Variants in B4GALT5 observed in about 807,000 individuals in gnomAD.
The protein encoded by B4GALT5 is UDP-Gal:beta-GlcNAc beta-1,4-galactosyltransferase 5.
B4GALT5 carries 11 observed loss-of-function variants against 45.0 expected under a neutral mutation model. That is an observed-to-expected ratio of 0.24 (90% confidence interval 0.15 to 0.40). B4GALT5 has a LOEUF of 0.40. B4GALT5 is among the 10% of genes least tolerant of loss of function. The pLI, the probability that B4GALT5 is intolerant of heterozygous loss-of-function variation, is 1.00. For missense variants in B4GALT5, 337 were observed against 500.2 expected, an observed-to-expected ratio of 0.67 and a Z score of 3.11; for synonymous variants, 185 against 182.9, an observed-to-expected ratio of 1.01 and a Z score of -0.09.
rs71186472 is a variant in B4GALT5 at position 49,708,931 on chromosome 20, CAA to C, written c.115+4643_115+4644del. 5.2e-3 allele frequency among the ~76,000 whole-genome samples: 701 copies of C among 135,924 alleles called. 7 individuals are homozygous for C. The highest frequency in any genetic ancestry group is 0.018 in the East Asian group (84 of 4,610). The allele number at this position is 135,924 out of a possible 152,430, so 89.2% of individuals were successfully genotyped here. The stretch of plus-strand genomic sequence containing the variant: ...TGGGCAACAGAGCGAGACTCCATCT[CAA>C]AAAAAAAAAAAAAAAGTCATCAATG... On this transcript the variant is annotated intron_variant, in intron 1 of 8. Transcript: ENST00000371711.
intron 2 of B4GALT5, among the ~76,000 whole-genome samples, chr20:49,650,675 A>G (rs2085618642): frequency 6.6e-6 from 1 of 152,088 alleles, no homozygotes; most frequent in Non-Finnish European, 1.5e-5. Flanking sequence ...TTCAGTAGCA[A>G]TAGAGGCCTT....
At chr20:49,653,110 G>T (rs1006031380) in intron 2 of B4GALT5, among the ~76,000 whole-genome samples, 5 of 152,224 alleles carry the variant, frequency 3.3e-5, no homozygotes. Context: ...CTTAGGACCA[G>T]AAGTGTTTCA....
In B4GALT5 at chr20:49,684,268, T is replaced by A. The variant is rs116639881; in HGVS notation, c.116-27566A>T. 8.9e-3 allele frequency among the ~76,000 whole-genome samples: 1,333 copies of A among 149,768 alleles called. 12 individuals are homozygous for A. The highest frequency in any genetic ancestry group is 0.031 in the African/African-American group (1,265 of 40,838). On this transcript the variant is annotated intron_variant, in intron 1 of 8. Coordinates refer to ENST00000371711, the MANE Select transcript of B4GALT5 (RefSeq NM_004776.4). ...TGTTCATTCAGAATTTACTTTAATTTAAAAAAAAAGTTGGCTGGGCGCGGT... is the reference window on the plus strand; with the variant it reads ...TGTTCATTCAGAATTTACTTTAATTAAAAAAAAAAGTTGGCTGGGCGCGGT...
intron 1 of B4GALT5, among the ~76,000 whole-genome samples, chr20:49,675,203 C>T (rs954300289): frequency 6.6e-6 from 1 of 152,132 alleles, no homozygotes; most frequent in Non-Finnish European, 1.5e-5. Context: ...AAAAAAATCA[C>T]TAATTCCTAA....
intron 1 of B4GALT5, among the ~76,000 whole-genome samples, chr20:49,690,442 G>C (rs148445958): frequency 6.6e-6 from 1 of 151,848 alleles, no homozygotes; most frequent in Non-Finnish European, 1.5e-5. Context: ...CCAGCTACTC[G>C]GGAGGCTGAG....
chr20:49,642,968 C>T (rs141405006), intron 4 of B4GALT5, among the ~76,000 whole-genome samples: 2 of 152,350 alleles, frequency 1.3e-5, no homozygotes, highest in South Asian at 2.1e-4. Context: ...TATTTCCCAG[C>T]GATGGGCTGG....
intron 2 of B4GALT5, among the ~76,000 whole-genome samples, chr20:49,649,854 T>C (rs534502404): frequency 4.6e-5 from 7 of 152,326 alleles, no homozygotes; most frequent in African/African-American, 1.7e-4. Context: ...CGCCCATGTG[T>C]GGCAAGAGAC....
intron 1 of B4GALT5, among the ~76,000 whole-genome samples, chr20:49,661,336 G>A (rs1278096286): frequency 6.6e-6 from 1 of 152,156 alleles, no homozygotes; most frequent in African/African-American, 2.4e-5. Context: ...CCAGGTTCAA[G>A]CGATTCTTCT....
intron 1 of B4GALT5, among the ~76,000 whole-genome samples, chr20:49,708,674 G>A (rs1457041877): frequency 3.3e-5 from 5 of 151,094 alleles, no homozygotes; most frequent in East Asian, 2.0e-4. Context: ...TCGGCCAGGC[G>A]CAATGGCTCA....
chr20:49,647,842 G>T (rs990046989), intron 2 of B4GALT5, among the ~76,000 whole-genome samples: 1 of 151,810 alleles, frequency 6.6e-6, no homozygotes, highest in African/African-American at 2.4e-5. Flanking sequence ...TGCTTGGGGG[G>T]AGGTATTCTC....
chr20:49,663,085 G>A (rs1330724149), intron 1 of B4GALT5, among the ~76,000 whole-genome samples: 3 of 152,200 alleles, frequency 2.0e-5, no homozygotes, highest in Non-Finnish European at 4.4e-5. Context: ...CACACTTTAT[G>A]TGACACAAAG....
At chr20:49,641,863 T>C (rs1269065065) in intron 5 of B4GALT5, among the ~76,000 whole-genome samples, 2 of 151,798 alleles carry the variant, frequency 1.3e-5, no homozygotes, top group Non-Finnish European at 2.9e-5. Flanking sequence ...ACATATAAAG[T>C]AGGCCCGGCA....
chr20:49,637,457 G>A lies in B4GALT5; in HGVS notation c.918-15C>T. 1 of 1,600,894 alleles carries A rather than the reference G, an allele frequency of 6.2e-7. No individual in the cohort carries two copies. The highest frequency in any genetic ancestry group is 8.6e-7 in the Non-Finnish European group (1 of 1,168,034). ...CATTCTGTACTCTGTCCAAGACCAA[G>A]AGAACAGGCTTTTAGATACAACGGT... On this transcript the variant is annotated splice_polypyrimidine_tract_variant and intron_variant, in intron 7 of 8. Coordinates refer to ENST00000371711, the MANE Select transcript of B4GALT5 (RefSeq NM_004776.4).
At chr20:49,699,162 G>A (rs2085851148) in intron 1 of B4GALT5, among the ~76,000 whole-genome samples, 2 of 152,060 alleles carry the variant, frequency 1.3e-5, no homozygotes, top group Non-Finnish European at 1.5e-5. Context: ...CACTTAGAAT[G>A]TACTGGGGTA....
At chr20:49,641,094 G>A (rs1464916627) in intron 5 of B4GALT5, among the ~76,000 whole-genome samples, 3 of 151,558 alleles carry the variant, frequency 2.0e-5, no homozygotes, top group Admixed American at 6.6e-5. Context: ...CAGTTTGGGC[G>A]ACAGAGCAAG....
At chr20:49,658,564 C>T (rs2085652622) in intron 1 of B4GALT5, among the ~76,000 whole-genome samples, 1 of 152,152 alleles carries the variant, frequency 6.6e-6, no homozygotes, top group African/African-American at 2.4e-5. Flanking sequence ...GCCAAGAACT[C>T]ACTACCTCCT....
In B4GALT5 at chr20:49,647,093, GA is replaced by G. The variant is rs1461391101; in HGVS notation, c.251-16del. 3 of 1,551,838 alleles carry G rather than the reference GA, an allele frequency of 1.9e-6. No homozygotes were observed. ...AAGAGGATAATCTAGGGAGGTAAAG[GA>G]AAAAAGTCGATCAGACTGGTATGTG... On this transcript the variant is annotated splice_polypyrimidine_tract_variant and intron_variant, in intron 2 of 8. Transcript: ENST00000371711.
chr20:49,711,890 A>G (rs1421966616), intron 1 of B4GALT5, among the ~76,000 whole-genome samples: 1 of 152,238 alleles, frequency 6.6e-6, no homozygotes, highest in African/African-American at 2.4e-5. Context: ...CTATTCAGCT[A>G]GTTCTGCGTT....
At chr20:49,706,794 C>A (rs2085885994) in intron 1 of B4GALT5, among the ~76,000 whole-genome samples, 1 of 152,182 alleles carries the variant, frequency 6.6e-6, no homozygotes, top group South Asian at 2.1e-4. Context: ...CTCTGACAGG[C>A]CTCAGCAGCA....
Sources: allele counts gnomAD v4.1 joint callset (sites outside exome capture counted in the v4.1 genomes callset), GRCh38; gene constraint gnomAD v4.1.1; transcripts MANE v1.5; gene names NCBI Gene and HGNC (gene_info 2026-07-23, HGNC 2026-07-21).